Variants in SDK1 observed in about 807,000 individuals in gnomAD.
The protein encoded by SDK1 is protein sidekick-1.
SDK1 carries 157 observed loss-of-function variants against 245.5 expected under a neutral mutation model. The ratio of observed to expected loss-of-function variants is 0.64; its 90% CI spans 0.56 to 0.73. SDK1 has a LOEUF of 0.73. Among genes scored for constraint, SDK1 ranks in the 30% least tolerant of loss-of-function variants. The probability of loss-of-function intolerance (pLI) is 0.00; values close to 1 mark genes in which losing one functional copy is unlikely to be tolerated. For missense variants in SDK1, 3,583 were observed against 3,002.3 expected (o/e 1.19, Z -4.52); for synonymous variants, 1,647 against 1,278.5 (o/e 1.29, Z -6.15).
chr7:3,643,143 C>T (rs1042159304), intron 4 of SDK1: 2 of 151,836 alleles, frequency 1.3e-5, no homozygotes, highest in Non-Finnish European at 2.9e-5. Flanking sequence ...TCTCATGATT[C>T]TCCTCTCCAC....
chr7:3,574,179 C>G (rs1265441952), intron 1 of SDK1, among the ~76,000 whole-genome samples: 1 of 151,368 alleles, frequency 6.6e-6, no homozygotes, highest in African/African-American at 2.4e-5. Flanking sequence ...TGCAGTGGCA[C>G]AATCTCGGCT....
chr7:3,312,758 A>G (rs186689779), intron 1 of SDK1, among the ~76,000 whole-genome samples: 36 of 152,290 alleles, frequency 2.4e-4, no homozygotes, highest in Non-Finnish European at 4.0e-4. Flanking sequence ...AGAATGAGGA[A>G]GTCTCATATT....
chr7:4,233,186 G>A, intron 40 of SDK1, 69 bp from the exon 41 acceptor site: 4 of 1,481,304 alleles, frequency 2.7e-6, no homozygotes. Context: ...CACCAGGCAG[G>A]TGCATGGGGC....
At chr7:4,028,559 C>G (rs1583874670) in intron 17 of SDK1, among the ~76,000 whole-genome samples, 1 of 152,186 alleles carries the variant, frequency 6.6e-6, no homozygotes, top group East Asian at 1.9e-4. Flanking sequence ...GACACATTGT[C>G]TACATAAGAG....
intron 4 of SDK1, among the ~76,000 whole-genome samples, chr7:3,698,875 T>A (rs1784656377): frequency 6.6e-6 from 1 of 152,220 alleles, no homozygotes; most frequent in Admixed American, 6.5e-5. Context: ...AAATGCCATC[T>A]CATTAGAGTT....
chr7:3,681,441 T>C (rs1784097868), intron 4 of SDK1, among the ~76,000 whole-genome samples: 1 of 152,224 alleles, frequency 6.6e-6, no homozygotes, highest in South Asian at 2.1e-4. Flanking sequence ...GGTGTACTTG[T>C]GGACATCTTT....
At chr7:3,341,424 T>C (rs757056468) in intron 1 of SDK1, among the ~76,000 whole-genome samples, 55 of 152,196 alleles carry the variant, frequency 3.6e-4, no homozygotes, top group Non-Finnish European at 7.2e-4. Flanking sequence ...TGGAATGTCT[T>C]TCCTCTCAGG....
chr7:4,074,886 G>GTGTGTGTGTA (rs1401453083), intron 20 of SDK1, among the ~76,000 whole-genome samples: 1 of 48,124 alleles, frequency 2.1e-5, no homozygotes, highest in African/African-American at 1.6e-4. Context: ...CTCTCTCTCT[G>GTGTGTGTGTA]TATATATATA....
At chr7:3,433,022 G>C (rs1054946030) in intron 1 of SDK1, among the ~76,000 whole-genome samples, 1 of 152,102 alleles carries the variant, frequency 6.6e-6, no homozygotes, top group Non-Finnish European at 1.5e-5. Flanking sequence ...TCCAAGTTAC[G>C]CAGTTTTTCA....
intron 1 of SDK1, among the ~76,000 whole-genome samples, chr7:3,588,144 C>T (rs1280378775): frequency 6.6e-6 from 1 of 152,150 alleles, no homozygotes; most frequent in Non-Finnish European, 1.5e-5. Context: ...AGCTGAGTTA[C>T]AGAGAAATTA....
chr7:3,810,148 T>C (rs1365682192), intron 4 of SDK1, among the ~76,000 whole-genome samples: 1 of 151,998 alleles, frequency 6.6e-6, no homozygotes, highest in Non-Finnish European at 1.5e-5. Context: ...GAGAGGAGGA[T>C]TCTTCATGAG....
intron 30 of SDK1, among the ~76,000 whole-genome samples, chr7:4,157,734 A>G (rs1362680977): frequency 6.6e-6 from 1 of 152,152 alleles, no homozygotes; most frequent in Non-Finnish European, 1.5e-5. Flanking sequence ...CCTCAGTTTT[A>G]TCATCCTTGA....
At chr7:3,632,438 A>C (rs1782323913) in intron 2 of SDK1, among the ~76,000 whole-genome samples, 1 of 152,314 alleles carries the variant, frequency 6.6e-6, no homozygotes, top group East Asian at 1.9e-4. Flanking sequence ...AAATGTAGTC[A>C]TTCATGGTAT....
At chr7:3,558,894 A>G (rs1779667757) in intron 1 of SDK1, among the ~76,000 whole-genome samples, 1 of 152,218 alleles carries the variant, frequency 6.6e-6, no homozygotes, top group Non-Finnish European at 1.5e-5. Context: ...ATTTCATTAG[A>G]CAAATGTATA....
chr7:4,211,955 C>T (rs180780043), intron 38 of SDK1, among the ~76,000 whole-genome samples: 1 of 152,340 alleles, frequency 6.6e-6, no homozygotes, highest in Non-Finnish European at 1.5e-5. Flanking sequence ...TCTCTCCTGC[C>T]ATCCAGACAC....
At chr7:3,891,195 A>T (rs1781449645) in intron 5 of SDK1, among the ~76,000 whole-genome samples, 1 of 152,184 alleles carries the variant, frequency 6.6e-6, no homozygotes, top group Non-Finnish European at 1.5e-5. Context: ...CAGCAGTCCT[A>T]GTGTCCTGCT....
chr7:4,034,106 C>T (rs1788040827), intron 17 of SDK1, among the ~76,000 whole-genome samples: 2 of 152,180 alleles, frequency 1.3e-5, no homozygotes, highest in African/African-American at 2.4e-5. Flanking sequence ...GCTATTCGTG[C>T]CTACGATGCA....
At chr7:3,654,827 T>A (rs973285633) in intron 4 of SDK1, among the ~76,000 whole-genome samples, 2 of 152,204 alleles carry the variant, frequency 1.3e-5, no homozygotes, top group African/African-American at 4.8e-5. Context: ...AATTTTTCAC[T>A]GGAAATAAAA....
intron 1 of SDK1, among the ~76,000 whole-genome samples, chr7:3,571,319 T>G (rs1192126348): frequency 6.6e-6 from 1 of 152,064 alleles, no homozygotes; most frequent in African/African-American, 2.4e-5. Flanking sequence ...AATTTTTTTT[T>G]GAGATGGGGA....
Sources: gnomAD v4.1 joint callset for allele counts (sites outside exome capture counted in the v4.1 genomes callset) on GRCh38, gnomAD v4.1.1 for gene constraint, MANE v1.5 for transcripts, NCBI Gene and HGNC (gene_info 2026-07-23, HGNC 2026-07-21) for gene names.